HAO2: variants seen among roughly 807,000 people sequenced by gnomAD.
HAO2 encodes hydroxyacid oxidase 2, also known as 2-Hydroxyacid oxidase 2.
In HAO2, 42 loss-of-function variants were observed where a neutral mutation model predicts 37.4. The observed-to-expected ratio is 1.12, with a 90% CI of 0.88 to 1.45. The LOEUF is 1.45. HAO2 is among the 40% of genes most tolerant of loss of function. The pLI, the probability that HAO2 is intolerant of heterozygous loss-of-function variation, is 0.00. For synonymous variants in HAO2, 180 were observed against 162.8 expected, an observed-to-expected ratio of 1.11 and a Z score of -0.81; for missense variants, 476 against 430.2, an observed-to-expected ratio of 1.11 and a Z score of -0.94.
chr1:119,387,927 G>A (rs1385737927), intron 5 of HAO2, among the ~76,000 whole-genome samples: 1 of 152,142 alleles, frequency 6.6e-6, no homozygotes, highest in Non-Finnish European at 1.5e-5. Flanking sequence ...ATGCTTGGAA[G>A]CCTAAGAGCC....
chr1:119,385,291 A>G, intron 4 of HAO2: 1 of 985,336 alleles, frequency 1.0e-6, no homozygotes, highest in Non-Finnish European at 1.2e-6. Context: ...CCAACTTGTC[A>G]CCAGAAGTGT....
At chr1:119,374,938 T>A (rs1649328416) in intron 1 of HAO2, among the ~76,000 whole-genome samples, 1 of 152,216 alleles carries the variant, frequency 6.6e-6, no homozygotes, top group Admixed American at 6.5e-5. Context: ...CTCCTGAATG[T>A]CCTTGCCCTC....
intron 7 of HAO2, among the ~76,000 whole-genome samples, chr1:119,393,167 T>G (rs1005123087): frequency 6.6e-6 from 1 of 152,134 alleles, no homozygotes; most frequent in East Asian, 1.9e-4. Flanking sequence ...TCTTTCAGCC[T>G]TCTCATCACC....
chr1:119,377,197 G>T (rs1179719146), intron 1 of HAO2, among the ~76,000 whole-genome samples: 1 of 152,084 alleles, frequency 6.6e-6, no homozygotes, highest in African/African-American at 2.4e-5. Flanking sequence ...TGAATGCTTT[G>T]CTGCTTAGAA....
chr1:119,370,707 T>C (rs1648918738), intron 1 of HAO2, among the ~76,000 whole-genome samples: 1 of 152,186 alleles, frequency 6.6e-6, no homozygotes, highest in East Asian at 1.9e-4. Flanking sequence ...CAGTCATTAG[T>C]TCCTTGGGCA....
chr1:119,381,317 T>C, intron 2 of HAO2, 101 bp downstream of exon 2: 1 of 845,640 alleles, frequency 1.2e-6, no homozygotes, highest in Non-Finnish European at 2.0e-6. Context: ...AAAACACAGA[T>C]CACTCAAGAC....
In HAO2 at chr1:119,386,803, G is replaced by T. The variant is rs771980820; in HGVS notation, c.743G>T (p.Gly248Val). ...VQGIIVSNHG[G>V]RQLDEVLASI... The stretch of plus-strand genomic sequence containing the variant: ...GGTATCATTGTTTCCAACCATGGTG[G>T]GAGGCAGCTTGATGAGGTTCTTGCT... Residue 248 changes from glycine to valine, a missense_variant, in exon 5 of 8, where the codon GGG (glycine) becomes GTG (valine). Transcript: ENST00000325945. 1.2e-6 allele frequency: 2 copies of T among 1,612,628 alleles called. No homozygotes were observed. Among genetic ancestry groups the T allele is most frequent in the Non-Finnish European group, 1.7e-6 (2 of 1,178,822 alleles).
rs1046593059 is a variant in HAO2, at chr1:119,386,926, A to G, written c.771+95A>G. 7.7e-6 allele frequency: 6 copies of G among 781,290 alleles called. No homozygotes were observed. The Admixed American group carries it at 1.1e-4, about 14-fold the overall frequency. 48.4% of individuals were successfully genotyped at this position (781,290 alleles called of 1,614,324 possible). A position where few individuals can be genotyped will look rare whatever the true frequency, so the allele number is the denominator to read the frequency against. On this transcript the variant is annotated intron_variant, in intron 5 of 7. Transcript: ENST00000325945. ...TCAAGGGACTCTGTGAAATCTGAGC[A>G]TATTTCACTCCTCTGTACCACATGT...
Position 119,381,233 on chromosome 1 carries a change from C to G in HAO2, c.131+17C>G. On this transcript the variant is annotated intron_variant, in intron 2 of 7. Transcript: ENST00000325945. ...ATTTAAAAGGTGTGGTCTTCTGTAG[C>G]CTGTCTATTGTTAGGTTAAGGTGCA... The G allele has an allele frequency of 6.3e-7, 1 of 1,596,008 alleles. No homozygotes were observed. Among genetic ancestry groups the G allele is most frequent in the Non-Finnish European group, 8.6e-7 (1 of 1,163,580 alleles).
intron 5 of HAO2, among the ~76,000 whole-genome samples, chr1:119,391,413 AT>A (rs1650886129): frequency 6.6e-6 from 1 of 152,202 alleles, no homozygotes; most frequent in Non-Finnish European, 1.5e-5. Flanking sequence ...CTCAAGGCCT[AT>A]TTGCCTGTTC....
chr1:119,388,215 C>A (rs587627544), intron 5 of HAO2, among the ~76,000 whole-genome samples: 1 of 152,158 alleles, frequency 6.6e-6, no homozygotes, highest in South Asian at 2.1e-4. Context: ...GCATAGCATG[C>A]CCTGGGTCAT....
chr1:119,379,972 G>T (rs1649784943), intron 1 of HAO2, among the ~76,000 whole-genome samples: 1 of 152,088 alleles, frequency 6.6e-6, no homozygotes, highest in Non-Finnish European at 1.5e-5. Flanking sequence ...CCCATTCCTG[G>T]TTGAAGCCCT....
chr1:119,371,138 C>T (rs1648966066), intron 1 of HAO2, among the ~76,000 whole-genome samples: 1 of 152,212 alleles, frequency 6.6e-6, no homozygotes. Flanking sequence ...AGAACAGAGA[C>T]TTAAATGTCT....
At chr1:119,374,802 G>A (rs963408516) in intron 1 of HAO2, among the ~76,000 whole-genome samples, 1 of 152,158 alleles carries the variant, frequency 6.6e-6, no homozygotes, top group Non-Finnish European at 1.5e-5. Flanking sequence ...TTATCTGTCT[G>A]GTGTTAAATC....
chr1:119,389,158 A>G (rs867786843), intron 5 of HAO2, among the ~76,000 whole-genome samples: 2 of 83,264 alleles, frequency 2.4e-5, no homozygotes, highest in African/African-American at 9.9e-5. Context: ...ATATATATAT[A>G]TATATATATA....
At chr1:119,378,982 G>A (rs1311887777) in intron 1 of HAO2, among the ~76,000 whole-genome samples, 1 of 152,142 alleles carries the variant, frequency 6.6e-6, no homozygotes, top group Non-Finnish European at 1.5e-5. Context: ...TTCATTAGGA[G>A]GAACAAATAG....
At chr1:119,369,313 T>C (rs1221131108) in intron 1 of HAO2, among the ~76,000 whole-genome samples, 1 of 152,184 alleles carries the variant, frequency 6.6e-6, no homozygotes, top group Non-Finnish European at 1.5e-5. Flanking sequence ...ATGGCTATGC[T>C]CCTAAAAAAG....
chr1:119,379,258 A>G (rs911220067), intron 1 of HAO2, among the ~76,000 whole-genome samples: 6 of 152,156 alleles, frequency 3.9e-5, no homozygotes, highest in African/African-American at 1.4e-4. Context: ...CCTAGCCCAT[A>G]CCAAAATTCT....
chr1:119,383,401 C>T (rs1236975888), intron 3 of HAO2, among the ~76,000 whole-genome samples: 1 of 152,188 alleles, frequency 6.6e-6, no homozygotes, highest in Non-Finnish European at 1.5e-5. Flanking sequence ...AGCCCCAAGG[C>T]TAGGGCCCTC....
Sources: allele counts gnomAD v4.1 joint callset (sites outside exome capture counted in the v4.1 genomes callset), GRCh38; gene constraint gnomAD v4.1.1; transcripts MANE v1.5; gene names NCBI Gene and HGNC (gene_info 2026-07-23, HGNC 2026-07-21).